Variants in ULK4 observed in about 807,000 individuals in gnomAD.
ULK4 encodes the protein inactive serine/threonine-protein kinase ULK4.
A neutral mutation model predicts 160.6 loss-of-function variants in ULK4; 133 were observed. The ratio of observed to expected loss-of-function variants is 0.83; its 90% CI spans 0.72 to 0.96. The LOEUF is 0.96. Among genes scored for constraint, ULK4 ranks in the 40% least tolerant of loss-of-function variants. The probability of loss-of-function intolerance (pLI) is 0.00; values close to 1 mark genes in which losing one functional copy is unlikely to be tolerated. For missense variants in ULK4, 1,580 were observed against 1,499.5 expected (o/e 1.05, Z -0.89); for synonymous variants, 534 against 539.8 (o/e 0.99, Z 0.15).
In ULK4 at chr3:41,486,662, G is replaced by C. The variant is rs548389658; in HGVS notation, c.3227-23409C>G. Reference sequence around the variant, plus strand: ...TATTTCTATAGTTGGTCCTGAGTTGGAAGTATGGGCAAAAATCAGAGAAGC... The same window carrying C: ...TATTTCTATAGTTGGTCCTGAGTTGCAAGTATGGGCAAAAATCAGAGAAGC... On this transcript the variant is annotated intron_variant, in intron 32 of 36. Transcript: ENST00000301831. Among the ~76,000 whole-genome samples, 4 of 152,146 alleles carry C rather than the reference G, an allele frequency of 2.6e-5. No homozygotes were observed. In the South Asian group the frequency reaches 8.3e-4, roughly 32 times the overall value.
chr3:41,827,130 T>C (rs371992050), intron 18 of ULK4, among the ~76,000 whole-genome samples: 3 of 143,824 alleles, frequency 2.1e-5, no homozygotes, highest in East Asian at 2.0e-4. Flanking sequence ...AGACACAACA[T>C]ACCAGAATAC....
chr3:41,765,751 A>G (rs551807440), intron 21 of ULK4, among the ~76,000 whole-genome samples: 2 of 152,218 alleles, frequency 1.3e-5, no homozygotes, highest in African/African-American at 4.8e-5. Context: ...ATAATACTAT[A>G]TATCTTTCAA....
intron 35 of ULK4, among the ~76,000 whole-genome samples, chr3:41,353,713 A>G (rs1351287053): frequency 2.2e-5 from 3 of 134,182 alleles, no homozygotes; most frequent in Non-Finnish European, 4.9e-5. Flanking sequence ...TACTACTACT[A>G]CTACTACTAC....
At chr3:41,827,227 C>G (rs991138527) in intron 18 of ULK4, among the ~76,000 whole-genome samples, 1 of 146,258 alleles carries the variant, frequency 6.8e-6, no homozygotes, top group Non-Finnish European at 1.5e-5. Context: ...AAAATTGACA[C>G]CTTAACATCA....
At chr3:41,580,551 G>A (rs57429321) in intron 31 of ULK4, among the ~76,000 whole-genome samples, 6,326 of 152,016 alleles carry the variant, frequency 0.042, 515 homozygotes, top group East Asian at 0.4. Flanking sequence ...TCTGAACCAC[G>A]GCATCCAAAT....
chr3:41,351,171 C>G (rs2080902785), intron 35 of ULK4, among the ~76,000 whole-genome samples: 1 of 152,114 alleles, frequency 6.6e-6, no homozygotes, highest in Non-Finnish European at 1.5e-5. Flanking sequence ...TAGCACAGAA[C>G]TTTACACCCA....
intron 1 of ULK4, among the ~76,000 whole-genome samples, chr3:41,959,162 A>G (rs1314441162): frequency 2.6e-5 from 4 of 152,154 alleles, no homozygotes; most frequent in Non-Finnish European, 5.9e-5. Flanking sequence ...TCAGGAGATC[A>G]AGACCATCCT....
intron 27 of ULK4, among the ~76,000 whole-genome samples, chr3:41,701,992 T>C (rs2036691026): frequency 6.6e-6 from 1 of 151,524 alleles, no homozygotes; most frequent in African/African-American, 2.4e-5. Context: ...AAAGTGGAAG[T>C]AGGTAAGAAG....
At chr3:41,306,445 C>T (rs1261483506) in intron 35 of ULK4, among the ~76,000 whole-genome samples, 70 of 145,888 alleles carry the variant, frequency 4.8e-4, no homozygotes, top group African/African-American at 1.8e-3. Context: ...CCCCTCTGCC[C>T]GGCCAGTGGC....
chr3:41,649,145 A>G (rs77346763), intron 30 of ULK4, among the ~76,000 whole-genome samples: 2 of 151,736 alleles, frequency 1.3e-5, no homozygotes, highest in Admixed American at 6.6e-5. Flanking sequence ...AAAAAAAAAA[A>G]GCCAGAAGAA....
At chr3:41,853,920 ACCC>A (rs35201233) in intron 17 of ULK4, among the ~76,000 whole-genome samples, 1 of 151,858 alleles carries the variant, frequency 6.6e-6, no homozygotes, top group South Asian at 2.1e-4. Context: ...CATGCATGTG[ACCC>A]CCCTTCATGA....
intron 35 of ULK4, among the ~76,000 whole-genome samples, chr3:41,377,991 T>TA (rs1401748060): frequency 1.3e-5 from 2 of 151,462 alleles, no homozygotes; most frequent in African/African-American, 4.9e-5. Flanking sequence ...CCAACAATGA[T>TA]AGACTGGATT....
chr3:41,269,638 TA>T (rs1193027306), intron 35 of ULK4, among the ~76,000 whole-genome samples: 5 of 152,214 alleles, frequency 3.3e-5, no homozygotes, highest in Admixed American at 2.0e-4. Context: ...ATACAATGTA[TA>T]AAGATGCAAA....
intron 32 of ULK4, among the ~76,000 whole-genome samples, chr3:41,558,239 A>C (rs1471062425): frequency 1.3e-5 from 2 of 152,160 alleles, no homozygotes; most frequent in African/African-American, 4.8e-5. Flanking sequence ...GTGGTTAAAT[A>C]AATTATGCTA....
intron 17 of ULK4, among the ~76,000 whole-genome samples, chr3:41,869,549 C>T (rs1697016006): frequency 1.3e-5 from 2 of 152,172 alleles, no homozygotes; most frequent in African/African-American, 2.4e-5. Flanking sequence ...CACTGCACTC[C>T]AGCCTGGGTG....
intron 32 of ULK4, among the ~76,000 whole-genome samples, chr3:41,558,337 A>C (rs2087386856): frequency 6.6e-6 from 1 of 152,156 alleles, no homozygotes; most frequent in African/African-American, 2.4e-5. Context: ...AATATTTATC[A>C]CGGGGGTAAG....
At chr3:41,844,939 T>A (rs551135714) in intron 17 of ULK4, among the ~76,000 whole-genome samples, 1 of 152,054 alleles carries the variant, frequency 6.6e-6, no homozygotes, top group Middle Eastern at 3.4e-3. Context: ...TTATTTGTAA[T>A]TGTCAAAACT....
intron 35 of ULK4, among the ~76,000 whole-genome samples, chr3:41,296,227 A>G (rs2079665276): frequency 6.6e-6 from 1 of 152,164 alleles, no homozygotes; most frequent in African/African-American, 2.4e-5. Context: ...TATATGGGAA[A>G]TCTCTGTACT....
At chr3:41,476,205 A>G (rs1025053780) in intron 32 of ULK4, among the ~76,000 whole-genome samples, 8 of 152,164 alleles carry the variant, frequency 5.3e-5, no homozygotes, top group Non-Finnish European at 1.2e-4. Context: ...CACCTTACCT[A>G]GTGGGAATTG....
Sources: gnomAD v4.1 joint callset for allele counts (sites outside exome capture counted in the v4.1 genomes callset) on GRCh38, gnomAD v4.1.1 for gene constraint, MANE v1.5 for transcripts, NCBI Gene and HGNC (gene_info 2026-07-23, HGNC 2026-07-21) for gene names.